The following PLCE1 variants were observed in gnomAD, a reference collection of about 807,000 sequenced individuals.
PLCE1 encodes the protein phospholipase C epsilon 1, also known as 1-phosphatidylinositol 4,5-bisphosphate phosphodiesterase epsilon-1.
In PLCE1, 119 loss-of-function variants were observed where a neutral mutation model predicts 242.8. The observed-to-expected ratio is 0.49, with a 90% CI of 0.42 to 0.57. The LOEUF is 0.57. Among genes scored for constraint, PLCE1 ranks in the 20% least tolerant of loss-of-function variants. PLCE1 has a pLI of 0.00. For synonymous variants in PLCE1, 945 were observed against 1,017.4 expected, an observed-to-expected ratio of 0.93 and a Z score of 1.35; for missense variants, 2,441 against 2,788.8, an observed-to-expected ratio of 0.88 and a Z score of 2.81.
At chr10:94,255,950 T>TCTCTCCCC (rs1346472757) in intron 11 of PLCE1, among the ~76,000 whole-genome samples, 1 of 117,092 alleles carries the variant, frequency 8.5e-6, no homozygotes, top group Non-Finnish European at 1.9e-5. Context: ...TCTCTCTCTC[T>TCTCTCCCC]CTCTCTCCCC....
intron 2 of PLCE1, among the ~76,000 whole-genome samples, chr10:94,081,374 C>T (rs1436698079): frequency 1.3e-5 from 2 of 152,114 alleles, no homozygotes; most frequent in South Asian, 2.1e-4. Context: ...CATTTTTCTT[C>T]ATGATTTCTG....
chr10:94,164,995 A>C lies in PLCE1; in HGVS notation c.1493-6185A>C, dbSNP rs557091793. On this transcript the variant is annotated intron_variant, in intron 3 of 32. Coordinates refer to ENST00000371380, the MANE Select transcript of PLCE1 (RefSeq NM_016341.4). ...GTTGCTGCCTGATCTTTCCTCTGGA[A>C]GTTTTGTCTCAGAGGAGTACCCGGC... Among the ~76,000 whole-genome samples the C allele has an allele frequency of 6.9e-4, 105 of 152,278 alleles. 1 individual carries two copies. Among genetic ancestry groups the C allele is most frequent in the African/African-American group, 2.4e-3 (99 of 41,554 alleles).
chr10:94,089,133 A>G, intron 2 of PLCE1: 2 of 1,614,022 alleles, frequency 1.2e-6, no homozygotes, highest in Non-Finnish European at 1.7e-6. Flanking sequence ...GAGACTTTGC[A>G]GGAATGGAAG....
At chr10:94,318,225 G>C (rs2053644025) in intron 29 of PLCE1, among the ~76,000 whole-genome samples, 1 of 152,170 alleles carries the variant, frequency 6.6e-6, no homozygotes, top group African/African-American at 2.4e-5. Flanking sequence ...CTAAGACAGA[G>C]ACCAGGCAAC....
At position 94,246,351 on chromosome 10, in the gene PLCE1, G is replaced by A. The variant is rs765860462; in HGVS notation, c.2826G>A (p.Lys942=). ...GGGTCTTGGATCTTTTTGCAGTGAAGGCTGTATACATGGGCCACCCTGGCA... is the reference window on the plus strand; with the variant it reads ...GGGTCTTGGATCTTTTTGCAGTGAAAGCTGTATACATGGGCCACCCTGGCA... ...TEGVLDLFAV[K]AVYMGHPGID... Residue 942 remains lysine, a synonymous_variant, in exon 8 of 33, where the codon AAG becomes AAA. Coordinates refer to ENST00000371380, the MANE Select transcript of PLCE1 (RefSeq NM_016341.4). 9.9e-6 allele frequency: 16 copies of A among 1,614,174 alleles called. No homozygotes were observed. Among genetic ancestry groups the A allele is most frequent in the Non-Finnish European group, 1.4e-5 (16 of 1,180,006 alleles).
At chr10:94,023,141 C>T (rs2061402549) in intron 1 of PLCE1, among the ~76,000 whole-genome samples, 2 of 151,958 alleles carry the variant, frequency 1.3e-5, no homozygotes, top group Admixed American at 6.6e-5. Flanking sequence ...GGGAGGGCTG[C>T]AGAACAAAGA....
chr10:94,304,739 T>C, intron 25 of PLCE1, 94 bp downstream of exon 25: 1 of 1,220,880 alleles, frequency 8.2e-7, no homozygotes, highest in East Asian at 2.3e-5. Context: ...AAAGCTGTCA[T>C]GTCACAATTT....
chr10:94,293,677 G>A lies in PLCE1; in HGVS notation c.5167+38G>A, dbSNP rs377636170. On this transcript the variant is annotated intron_variant, in intron 23 of 32. Coordinates refer to ENST00000371380, the MANE Select transcript of PLCE1 (RefSeq NM_016341.4). ...TCTTACAATATCTTTGCTTGATTCTGCATGCTGGATGATTTAGATATTTTA... is the reference window on the plus strand; with the variant it reads ...TCTTACAATATCTTTGCTTGATTCTACATGCTGGATGATTTAGATATTTTA... 6 of 1,607,050 alleles carry A rather than the reference G, an allele frequency of 3.7e-6. No individual in the cohort carries two copies. The African/African-American group carries it at 4.0e-5, about 11-fold the overall frequency.
At chr10:94,153,802 G>A (rs919854175) in intron 3 of PLCE1, among the ~76,000 whole-genome samples, 4 of 152,072 alleles carry the variant, frequency 2.6e-5, no homozygotes, top group African/African-American at 9.7e-5. Flanking sequence ...AAATACTTAG[G>A]AATAAATTTA....
In PLCE1 at chr10:94,147,249, C is replaced by CT. The variant is rs2047142117; in HGVS notation, c.1492+14791dup. Among the ~76,000 whole-genome samples the CT allele has an allele frequency of 2.0e-5, 3 of 152,206 alleles. No homozygotes were observed. The South Asian group carries it at 6.2e-4, about 32-fold the overall frequency. ...CTAGCCTGGCCAACATGGGGAAACT[C>CT]TGTCTCTACTAAAACTACAAAAATC... On this transcript the variant is annotated intron_variant, in intron 3 of 32. Transcript: ENST00000371380.
At chr10:94,211,673 C>A (rs2049334072) in intron 4 of PLCE1, among the ~76,000 whole-genome samples, 1 of 152,216 alleles carries the variant, frequency 6.6e-6, no homozygotes, top group South Asian at 2.1e-4. Context: ...GAAAAATCTT[C>A]CTTCATGTCT....
At chr10:94,003,461 C>T (rs941108129) in intron 1 of PLCE1, among the ~76,000 whole-genome samples, 5 of 152,208 alleles carry the variant, frequency 3.3e-5, no homozygotes, top group African/African-American at 1.2e-4. Context: ...ATTTGCAATT[C>T]TGCTGTGGCA....
rs528063633 is a variant in PLCE1 at position 94,005,269 on chromosome 10, G to A, written c.-365+11011G>A. On this transcript the variant is annotated intron_variant, in intron 1 of 32. Transcript: ENST00000371380. ...CAGTGGGAAGACTCAGCAAAAACTT[G>A]GGAGGATGCCCAGGACATTGGTTGC... Among the ~76,000 whole-genome samples, 9 of 152,288 alleles carry A rather than the reference G, an allele frequency of 5.9e-5. No homozygotes were observed. The East Asian group carries it at 1.7e-3, about 29-fold the overall frequency.
At chr10:94,096,516 G>T (rs1000720366) in intron 2 of PLCE1, 1 of 152,090 alleles carries the variant, frequency 6.6e-6, no homozygotes, top group African/African-American at 2.4e-5. Context: ...ATCAGATCTC[G>T]TGAGAAATCA....
intron 7 of PLCE1, among the ~76,000 whole-genome samples, chr10:94,241,265 C>T (rs1046840941): frequency 1.3e-5 from 2 of 152,130 alleles, no homozygotes; most frequent in African/African-American, 4.8e-5. Flanking sequence ...ATTTTTCTTT[C>T]CAGACACTAT....
At chr10:94,089,354 G>C in intron 2 of PLCE1, 1 of 1,608,970 alleles carries the variant, frequency 6.2e-7, no homozygotes, top group Non-Finnish European at 8.5e-7. Context: ...GGATGTGGAT[G>C]CTGGAGGCTT....
chr10:94,160,107 G>A (rs2047561050), intron 3 of PLCE1, among the ~76,000 whole-genome samples: 1 of 152,170 alleles, frequency 6.6e-6, no homozygotes, highest in Non-Finnish European at 1.5e-5. Context: ...ATAGCAGCAT[G>A]ATTTATAATC....
chr10:94,099,495 CT>C (rs769430915), intron 2 of PLCE1, among the ~76,000 whole-genome samples: 2 of 152,176 alleles, frequency 1.3e-5, no homozygotes, highest in Non-Finnish European at 2.9e-5. Flanking sequence ...AAAGCTCAAA[CT>C]TTAAACTGCC....
At chr10:94,046,398 G>A (rs945690436) in intron 2 of PLCE1, among the ~76,000 whole-genome samples, 15 of 152,194 alleles carry the variant, frequency 9.9e-5, no homozygotes, top group African/African-American at 3.6e-4. Context: ...GAGCCAGTAT[G>A]GTCTGGGCTG....
Sources: gnomAD v4.1 joint callset for allele counts (sites outside exome capture counted in the v4.1 genomes callset) on GRCh38, gnomAD v4.1.1 for gene constraint, MANE v1.5 for transcripts, NCBI Gene and HGNC (gene_info 2026-07-23, HGNC 2026-07-21) for gene names.